RNF214: variants seen among roughly 807,000 people sequenced by gnomAD.
RNF214 encodes ring finger protein 214.
A neutral mutation model predicts 75.9 loss-of-function variants in RNF214; 25 were observed. That is an observed-to-expected ratio of 0.33 (90% CI 0.24 to 0.46). The LOEUF (loss-of-function observed/expected upper bound fraction) is 0.46. RNF214 is among the 20% of genes least tolerant of loss of function. The probability of loss-of-function intolerance (pLI) is 1.00; values close to 1 mark genes in which losing one functional copy is unlikely to be tolerated. For synonymous variants in RNF214, 314 were observed against 308.8 expected (o/e 1.02, Z -0.18); for missense variants, 725 against 857.5 (o/e 0.85, Z 1.93).
At chr11:117,243,876 C>T (rs575413934) in intron 4 of RNF214, among the ~76,000 whole-genome samples, 10 of 152,250 alleles carry the variant, frequency 6.6e-5, no homozygotes, top group South Asian at 2.1e-4. Context: ...CTTCTAATCC[C>T]GACTTTATAT....
chr11:117,282,694 G>C, intron 12 of RNF214, 52 bp from the exon 13 acceptor site: 1 of 1,563,384 alleles, frequency 6.4e-7, no homozygotes, highest in Admixed American at 1.7e-5. Context: ...TTTGTGATAT[G>C]CTCTGTTACT....
At chr11:117,254,686 C>T (rs1027824789) in intron 6 of RNF214, among the ~76,000 whole-genome samples, 19 of 151,742 alleles carry the variant, frequency 1.3e-4, no homozygotes, top group African/African-American at 4.4e-4. Context: ...TCCAGTGGCA[C>T]GATCTCAGCT....
rs982342239 is a variant in RNF214 at position 117,285,200 on chromosome 11, G to A, written c.*49G>A. On this transcript the variant is annotated 3_prime_UTR_variant, in exon 15 of 15. Coordinates refer to ENST00000300650, the MANE Select transcript of RNF214 (RefSeq NM_207343.4). The stretch of plus-strand genomic sequence containing the variant: ...GAAGAGAAACTGATGTGAACAGGAA[G>A]CGCGGGTTCAAGATTTCTAAAACTC... 7 of 1,298,972 alleles carry A rather than the reference G, an allele frequency of 5.4e-6. No homozygotes were observed. The highest frequency in any genetic ancestry group is 7.8e-6 in the Non-Finnish European group (7 of 894,320). 80.5% of individuals were successfully genotyped at this position (1,298,972 alleles called of 1,614,324 possible). A position where few individuals can be genotyped will look rare whatever the true frequency, so the allele number is the denominator to read the frequency against.
At chr11:117,269,067 G>A (rs944772814) in intron 6 of RNF214, among the ~76,000 whole-genome samples, 1 of 152,138 alleles carries the variant, frequency 6.6e-6, no homozygotes, top group Non-Finnish European at 1.5e-5. Flanking sequence ...TAACAGGGAA[G>A]GGGAGATGAA....
intron 6 of RNF214, among the ~76,000 whole-genome samples, chr11:117,250,936 G>A (rs184518756): frequency 0.077 from 11,214 of 145,228 alleles, 529 homozygotes; most frequent in Non-Finnish European, 0.12. Flanking sequence ...TGGGGGTAAG[G>A]TCACAGATCA....
chr11:117,235,439 G>T (rs899407011), intron 2 of RNF214, among the ~76,000 whole-genome samples: 2 of 149,474 alleles, frequency 1.3e-5, no homozygotes, highest in Non-Finnish European at 3.0e-5. Context: ...CTCGTGATCC[G>T]CCTGCCTCGG....
At chr11:117,266,056 A>G (rs1195416040) in intron 6 of RNF214, among the ~76,000 whole-genome samples, 1 of 152,192 alleles carries the variant, frequency 6.6e-6, no homozygotes, top group Non-Finnish European at 1.5e-5. Context: ...ATTCCTTTTT[A>G]ATGCTGAGCA....
rs79702711 is a variant in RNF214 at position 117,257,673 on chromosome 11, C to G, written c.959+10725C>G. Among the ~76,000 whole-genome samples, 302 of 152,114 alleles carry G rather than the reference C, an allele frequency of 2.0e-3. No homozygotes were observed. In the East Asian group the frequency reaches 0.028, roughly 14 times the overall value. On this transcript the variant is annotated intron_variant, in intron 6 of 14. Transcript: ENST00000300650. ...AGTACTACACTCTGAGTTATACTTACAGTTTGGGAGTAGAAGTAAGTAGGA... is the reference window on the plus strand; with the variant it reads ...AGTACTACACTCTGAGTTATACTTAGAGTTTGGGAGTAGAAGTAAGTAGGA...
intron 9 of RNF214, 42 bp from the exon 10 acceptor site, chr11:117,281,558 C>T (rs1285208258): frequency 6.7e-7 from 1 of 1,502,336 alleles, no homozygotes; most frequent in Non-Finnish European, 9.3e-7. Context: ...TCTAGAGAGC[C>T]TGAGTCAGTT....
chr11:117,232,893 A>G (rs1162228076), intron 1 of RNF214, 167 bp downstream of exon 1: 1 of 42,938 alleles, frequency 2.3e-5, no homozygotes, highest in East Asian at 7.7e-4. Context: ...TAGAAGTGGG[A>G]CGGGGGGGTG....
intron 8 of RNF214, 68 bp from the exon 9 acceptor site, chr11:117,281,246 C>T (rs1335526799): frequency 1.4e-5 from 15 of 1,091,234 alleles, no homozygotes; most frequent in Admixed American, 7.1e-5. Flanking sequence ...GCTGGGATTA[C>T]AGGCGTGAGT....
intron 3 of RNF214, 99 bp downstream of exon 3, chr11:117,239,210 GTTTTGTT>G: frequency 1.5e-6 from 2 of 1,340,116 alleles, no homozygotes; most frequent in South Asian, 1.4e-5. Context: ...TTGCTGGCTT[GTTTTGTT>G]TTTTGTTTTT....
rs1042035402 is a variant in RNF214 at position 117,285,880 on chromosome 11, G to A, written c.*729G>A. On this transcript the variant is annotated 3_prime_UTR_variant, in exon 15 of 15. Coordinates refer to ENST00000300650, the MANE Select transcript of RNF214 (RefSeq NM_207343.4). The stretch of plus-strand genomic sequence containing the variant: ...CACCCTATTTTCTGGACAGAAATTA[G>A]CACAACCCACAGGTTTTTCCTGGGC... 1 of 152,572 alleles carries A rather than the reference G, an allele frequency of 6.6e-6. No individual in the cohort carries two copies. Among genetic ancestry groups the A allele is most frequent in the East Asian group, 1.9e-4 (1 of 5,198 alleles). The allele number at this position is 152,572 out of a possible 1,614,324, so 9.5% of individuals were successfully genotyped here. A position where few individuals can be genotyped will look rare whatever the true frequency, so the allele number is the denominator to read the frequency against.
chr11:117,276,522 C>T (rs1179285350), intron 6 of RNF214, among the ~76,000 whole-genome samples: 1 of 152,134 alleles, frequency 6.6e-6, no homozygotes, highest in Non-Finnish European at 1.5e-5. Context: ...GGTGGGAGTT[C>T]AGGAGTTCAA....
At chr11:117,256,328 T>G (rs2033521521) in intron 6 of RNF214, among the ~76,000 whole-genome samples, 1 of 152,258 alleles carries the variant, frequency 6.6e-6, no homozygotes. Context: ...ACTGTAAAAG[T>G]TAATATCTTG....
chr11:117,246,946 A>G lies in RNF214; in HGVS notation c.957A>G (p.Arg319=). 6.2e-7 allele frequency: 1 copy of G among 1,605,414 alleles called. No individual in the cohort carries two copies. The highest frequency in any genetic ancestry group is 8.5e-7 in the Non-Finnish European group (1 of 1,176,716). The change falls in exon 6 of 15, where the codon AGA becomes AGG. Residue 319 remains arginine (R), a splice_region_variant and synonymous_variant. Coordinates refer to ENST00000300650, the MANE Select transcript of RNF214 (RefSeq NM_207343.4). ...TTGAGAAGCTTTGTGAGAAGGGCAG[A>G]AGGTAACTGATGTTAAGAATAAAAA... The part of the protein sequence containing the change: ...AEIEKLCEKG[R]REVWEMELDR...
rs2034149673 is a variant in RNF214, at chr11:117,282,553, G to A, written c.1845+17G>A. 2 of 1,612,838 alleles carry A rather than the reference G, an allele frequency of 1.2e-6. No homozygotes were observed. The highest frequency in any genetic ancestry group is 2.7e-5 in the African/African-American group (2 of 74,908). ...AGTACTCAGGTGAGAAAAGCCACTT[G>A]GGAGAGAACTTAGGCATGTTGAGGG... On this transcript the variant is annotated intron_variant, in intron 12 of 14. Transcript: ENST00000300650.
chr11:117,269,316 G>C (rs185291848), intron 6 of RNF214, among the ~76,000 whole-genome samples: 1 of 152,128 alleles, frequency 6.6e-6, no homozygotes, highest in Non-Finnish European at 1.5e-5. Context: ...TTGAACTTTG[G>C]GGGAGGTGGC....
At chr11:117,262,696 A>G (rs2033693425) in intron 6 of RNF214, among the ~76,000 whole-genome samples, 1 of 134,808 alleles carries the variant, frequency 7.4e-6, no homozygotes, top group African/African-American at 2.9e-5. Context: ...GTCTGTGTTT[A>G]TTGAGGAACG....
Sources: allele counts gnomAD v4.1 joint callset (sites outside exome capture counted in the v4.1 genomes callset), GRCh38; gene constraint gnomAD v4.1.1; transcripts MANE v1.5; gene names NCBI Gene and HGNC (gene_info 2026-07-23, HGNC 2026-07-21).